Variants in ZNF800 observed in about 807,000 individuals in gnomAD.
ZNF800 encodes zinc finger protein 800.
A neutral mutation model predicts 59.5 loss-of-function variants in ZNF800; 13 were observed. That is an observed-to-expected ratio of 0.22 (90% CI 0.14 to 0.35). The LOEUF (loss-of-function observed/expected upper bound fraction) is 0.35. Ranked by LOEUF, ZNF800 falls within the 10% of genes least tolerant of loss-of-function variation. The pLI is 1.00. For missense variants in ZNF800, 621 were observed against 783.7 expected (o/e 0.79, Z 2.48); for synonymous variants, 266 against 265.7 (o/e 1.00, Z -0.01).
At chr7:127,357,790 T>C (rs1800303444) in intron 1 of ZNF800, among the ~76,000 whole-genome samples, 1 of 151,846 alleles carries the variant, frequency 6.6e-6, no homozygotes, top group African/African-American at 2.4e-5. Context: ...TCAGTACTTC[T>C]CAGAGTAAAA....
rs563286263 is a variant in ZNF800 at position 127,349,323 on chromosome 7, C to A, written n.225-1280G>T. On this transcript the variant is annotated intron_variant and non_coding_transcript_variant, in intron 1 of 1. Transcript: ENST00000485577. ...ATTAATTTAAAATTTTAAGTTAATACCTAGGGAGTCTGTTTTGCTAAGCCT... is the reference window on the plus strand; with the variant it reads ...ATTAATTTAAAATTTTAAGTTAATAACTAGGGAGTCTGTTTTGCTAAGCCT... Among the ~76,000 whole-genome samples the A allele has an allele frequency of 1.3e-3, 202 of 152,166 alleles. 1 individual carries two copies. The highest frequency in any genetic ancestry group is 4.4e-3 in the African/African-American group (184 of 41,506).
At chr7:127,388,972 A>T (rs1801225536) in intron 2 of ZNF800, among the ~76,000 whole-genome samples, 1 of 151,894 alleles carries the variant, frequency 6.6e-6, no homozygotes, top group South Asian at 2.1e-4. Flanking sequence ...ACCATTTAGA[A>T]AAAAAAAATC....
Position 127,371,338 on chromosome 7 carries a change from C to T in ZNF800, c.*476G>A, listed in dbSNP as rs903609202. The T allele has an allele frequency of 2.6e-5, 4 of 152,560 alleles. No homozygotes were observed. Among genetic ancestry groups the T allele is most frequent in the African/African-American group, 9.7e-5 (4 of 41,372 alleles). The allele number at this position is 152,560 out of a possible 1,614,324, so 9.5% of individuals were successfully genotyped here. A position where few individuals can be genotyped will look rare whatever the true frequency, so the allele number is the denominator to read the frequency against. On this transcript the variant is annotated 3_prime_UTR_variant, in exon 6 of 6. Transcript: ENST00000265827. ...TGTTGATACTATTTTGTCTTTTGTT[C>T]CTAACATACACTCACTAGAAAATCA...
At chr7:127,390,770 T>C (rs978483547) in intron 2 of ZNF800, among the ~76,000 whole-genome samples, 10 of 152,196 alleles carry the variant, frequency 6.6e-5, no homozygotes, top group Admixed American at 5.2e-4. Context: ...TCACAAAGCA[T>C]ATCAAAGTTC....
intron 1 of ZNF800, chr7:127,364,447 G>A (rs1332807132): frequency 6.6e-6 from 1 of 152,118 alleles, no homozygotes; most frequent in African/African-American, 2.4e-5. Context: ...CTTACAGTCT[G>A]ATATAGAAGG....
chr7:127,387,427 T>A (rs1801171359), intron 2 of ZNF800, among the ~76,000 whole-genome samples: 1 of 152,242 alleles, frequency 6.6e-6, no homozygotes, highest in Admixed American at 6.5e-5. Flanking sequence ...ATAGCGGGGC[T>A]AAACTAGCCT....
intron 5 of ZNF800, 179 bp downstream of exon 5, chr7:127,373,163 T>G (rs1346005288): frequency 1.0e-6 from 1 of 985,344 alleles, no homozygotes; most frequent in Admixed American, 6.1e-5. Flanking sequence ...CCCAAGCCAC[T>G]GGAATAAAGG....
At chr7:127,385,097 TC>T (rs796544974) in intron 3 of ZNF800, among the ~76,000 whole-genome samples, 37 of 152,212 alleles carry the variant, frequency 2.4e-4, no homozygotes, top group South Asian at 1.7e-3. Flanking sequence ...ATATATGATT[TC>T]CCCGTTTATA....
intron 2 of ZNF800, among the ~76,000 whole-genome samples, chr7:127,389,981 C>A (rs1005864539): frequency 6.6e-6 from 1 of 152,166 alleles, no homozygotes; most frequent in African/African-American, 2.4e-5. Flanking sequence ...ATGTTTATCT[C>A]TTCCCACTCA....
intron 1 of ZNF800, among the ~76,000 whole-genome samples, chr7:127,356,138 T>A (rs978432477): frequency 2.0e-5 from 3 of 152,056 alleles, no homozygotes; most frequent in African/African-American, 4.8e-5. Flanking sequence ...AAGAACAATC[T>A]GTCAGTGATC....
At chr7:127,347,907 G>C (rs944284302) in exon 2 of ZNF800, 2 of 149,524 alleles carry the variant, frequency 1.3e-5, no homozygotes, top group Non-Finnish European at 3.0e-5. Flanking sequence ...TGGAGCTCTC[G>C]GGCGGCGCCG....
Position 127,372,341 on chromosome 7 carries a change from G to A in ZNF800, c.*-527C>T, listed in dbSNP as rs28951087. On this transcript the variant is annotated intron_variant, in intron 5 of 5. Coordinates refer to ENST00000265827, the MANE Select transcript of ZNF800 (RefSeq NM_176814.5). ...ACTAAAAATACAAAATTAGCCGGGT[G>A]TGGTGGCTTATGCCTGTAATCCCAG... Among the ~76,000 whole-genome samples, 86 of 152,016 alleles carry A rather than the reference G, an allele frequency of 5.7e-4. 3 individuals carry two copies. The East Asian group carries it at 0.016, about 29-fold the overall frequency.
intron 1 of ZNF800, among the ~76,000 whole-genome samples, chr7:127,357,104 A>C (rs537225010): frequency 6.6e-6 from 1 of 152,220 alleles, no homozygotes; most frequent in East Asian, 1.9e-4. Context: ...TACCCTCATA[A>C]GTACCCACTG....
chr7:127,392,226 C>A lies in ZNF800; in HGVS notation c.-225G>T, dbSNP rs905921814. 1 of 394,328 alleles carries A rather than the reference C, an allele frequency of 2.5e-6. No individual in the cohort carries two copies. The highest frequency in any genetic ancestry group is 2.1e-5 in the African/African-American group (1 of 48,382). The allele number at this position is 394,328 out of a possible 1,614,324, so 24.4% of individuals were successfully genotyped here. ...GCCCGACGCGCTCCCAAAGAGTCCC[C>A]GCCGGCGCTGACGCGGAAGCGCCAC... is the stretch of plus-strand genomic sequence containing the variant. On this transcript the variant is annotated 5_prime_UTR_variant, in exon 1 of 6. Coordinates refer to ENST00000265827, the MANE Select transcript of ZNF800 (RefSeq NM_176814.5).
chr7:127,374,242 T>G lies in ZNF800; in HGVS notation c.1094A>C (p.Lys365Thr), dbSNP rs759642736. 6.2e-7 allele frequency: 1 copy of G among 1,614,076 alleles called. No individual in the cohort carries two copies. Residue 365 changes from lysine (K) to threonine (T), a missense_variant, in exon 5 of 6, where the codon AAG becomes ACG. This residue lies in a region of ZNF800 where 185 missense variants were observed against 177.6 expected (regional missense o/e 1.04). Coordinates refer to ENST00000265827, the MANE Select transcript of ZNF800 (RefSeq NM_176814.5). ...NLTACKCLLC[K>T]RKYSSQIMLK... is the part of the protein sequence containing the mutation. ...CATTATTTGTGAACTATATTTCCTCTTGCAAAGGAGGCATTTGCATGCAGT... is the reference window on the plus strand; with the variant it reads ...CATTATTTGTGAACTATATTTCCTCGTGCAAAGGAGGCATTTGCATGCAGT...
At chr7:127,387,380 C>A (rs1181857681) in intron 2 of ZNF800, among the ~76,000 whole-genome samples, 1 of 152,176 alleles carries the variant, frequency 6.6e-6, no homozygotes, top group Non-Finnish European at 1.5e-5. Context: ...GCTACTCTTG[C>A]TTCAGGGTTT....
At chr7:127,345,304 C>CA (rs1378488621), downstream of ZNF800, among the ~76,000 whole-genome samples, 1 of 151,374 alleles carries the variant, frequency 6.6e-6, no homozygotes, top group Non-Finnish European at 1.5e-5. Flanking sequence ...GACCCCCCCC[C>CA]CAAAGGTAAA....
At position 127,391,613 on chromosome 7, in the gene ZNF800, T is replaced by C; in HGVS notation, c.-56A>G. On this transcript the variant is annotated splice_region_variant and 5_prime_UTR_variant, in exon 2 of 6. Coordinates refer to ENST00000265827, the MANE Select transcript of ZNF800 (RefSeq NM_176814.5). ...CTGTAAGAAGCTCTTCATTGCGGCG[T>C]GGCTGTTGAAAGAAGCACAAACCCG... The C allele has an allele frequency of 6.4e-7, 1 of 1,556,440 alleles. No individual in the cohort carries two copies. The highest frequency in any genetic ancestry group is 8.9e-7 in the Non-Finnish European group (1 of 1,128,032).
intron 1 of ZNF800, among the ~76,000 whole-genome samples, chr7:127,365,039 G>C (rs934903300): frequency 6.6e-6 from 1 of 152,068 alleles, no homozygotes; most frequent in Admixed American, 6.6e-5. Flanking sequence ...AACATGAAGT[G>C]GAAGGCAAGC....
Sources: gnomAD v4.1 joint callset for allele counts (sites outside exome capture counted in the v4.1 genomes callset) on GRCh38, gnomAD v4.1.1 for gene constraint, gnomAD v4.1.1 regional missense constraint, MANE v1.5 for transcripts, NCBI Gene and HGNC (gene_info 2026-07-23, HGNC 2026-07-21) for gene names.